Variants in TRIO observed in about 807,000 individuals in gnomAD.
TRIO encodes the protein triple functional domain protein.
TRIO carries 58 observed loss-of-function variants against 351.9 expected under a neutral mutation model. The ratio of observed to expected loss-of-function variants is 0.16; its 90% CI spans 0.13 to 0.21. TRIO has a LOEUF of 0.21. TRIO is among the 10% of genes least tolerant of loss of function. The pLI is 1.00. For synonymous variants in TRIO, 1,758 were observed against 1,595.7 expected, an observed-to-expected ratio of 1.10 and a Z score of -2.42; for missense variants, 3,201 against 4,027.8, an observed-to-expected ratio of 0.79 and a Z score of 5.56.
At chr5:14,213,522 C>T (rs760973013) in intron 1 of TRIO, among the ~76,000 whole-genome samples, 5 of 152,032 alleles carry the variant, frequency 3.3e-5, no homozygotes, top group Non-Finnish European at 1.5e-5. Flanking sequence ...CCAAGGACAC[C>T]TTTACTATCA....
chr5:14,432,363 A>C lies in TRIO; in HGVS notation c.5203+12342A>C, dbSNP rs144758426. Among the ~76,000 whole-genome samples the C allele has an allele frequency of 2.1e-4, 32 of 152,354 alleles. No individual in the cohort carries two copies. The East Asian group carries it at 5.8e-3, about 28-fold the overall frequency. On this transcript the variant is annotated intron_variant, in intron 34 of 56. Transcript: ENST00000344204. ...GTTGGAAGAAACCTTTGGTGCAGGG[A>C]GGAAGCTGAAGCCCGTAGAGACAAA...
intron 1 of TRIO, among the ~76,000 whole-genome samples, chr5:14,269,351 T>C (rs1003975432): frequency 6.6e-6 from 1 of 152,268 alleles, no homozygotes; most frequent in Non-Finnish European, 1.5e-5. Flanking sequence ...AGAGACTGAA[T>C]TCTGCTATAT....
rs549446203 is a variant in TRIO, at chr5:14,247,574, C to G, written c.158-23251C>G. The stretch of plus-strand genomic sequence containing the variant: ...CTTTACTGAATTTTATGGTAGATTC[C>G]TTGTAGGACACATACATATTTGATT... On this transcript the variant is annotated intron_variant, in intron 1 of 56. Transcript: ENST00000344204. Among the ~76,000 whole-genome samples the G allele has an allele frequency of 8.9e-4, 135 of 152,172 alleles. 1 individual carries two copies. The Middle Eastern group carries it at 0.01, about 12-fold the overall frequency.
At chr5:14,455,538 C>G (rs1398622343) in intron 34 of TRIO, among the ~76,000 whole-genome samples, 5 of 150,364 alleles carry the variant, frequency 3.3e-5, no homozygotes, top group African/African-American at 9.9e-5. Flanking sequence ...AATCCTTTAG[C>G]TAGACATAAA....
At chr5:14,281,854 A>C (rs1012470917) in intron 3 of TRIO, among the ~76,000 whole-genome samples, 3 of 152,156 alleles carry the variant, frequency 2.0e-5, no homozygotes, top group Non-Finnish European at 4.4e-5. Flanking sequence ...GTTACAAGAG[A>C]ATGATGTAAG....
chr5:14,432,340 T>G (rs577695909), intron 34 of TRIO, among the ~76,000 whole-genome samples: 2 of 152,338 alleles, frequency 1.3e-5, no homozygotes, highest in African/African-American at 4.8e-5. Context: ...CTGTGCACGT[T>G]GGAAGAAACC....
Position 14,481,606 on chromosome 5 carries a change from G to A in TRIO, c.6453G>A (p.Leu2151=), listed in dbSNP as rs778599236. 1.2e-6 allele frequency: 2 copies of A among 1,614,088 alleles called. No homozygotes were observed. Among genetic ancestry groups the A allele is most frequent in the Non-Finnish European group, 1.7e-6 (2 of 1,180,022 alleles). The stretch of plus-strand genomic sequence containing the variant: ...ACGACATGATGAACGTGGGGCGGCT[G>A]CAAGGATTCGACGTAATGCGGCTCT... ...RCNDMMNVGR[L]QGFDGKIVAQ... is the part of the protein sequence containing the mutation. Residue 2151 remains leucine (L), a synonymous_variant, in exon 45 of 57, where the codon CTG becomes CTA. Transcript: ENST00000344204.
At chr5:14,166,723 C>A (rs1788785814) in intron 1 of TRIO, among the ~76,000 whole-genome samples, 1 of 152,142 alleles carries the variant, frequency 6.6e-6, no homozygotes, top group Non-Finnish European at 1.5e-5. Context: ...GACGTGGTAA[C>A]TATTGAGCCA....
chr5:14,189,372 A>G (rs764176093), intron 1 of TRIO, among the ~76,000 whole-genome samples: 28 of 152,184 alleles, frequency 1.8e-4, no homozygotes, highest in Non-Finnish European at 3.2e-4. Context: ...CACTAGCCTA[A>G]ATACAAGTGA....
intron 34 of TRIO, among the ~76,000 whole-genome samples, chr5:14,429,686 T>C (rs941764809): frequency 6.6e-6 from 1 of 152,222 alleles, no homozygotes; most frequent in African/African-American, 2.4e-5. Flanking sequence ...TTAGGTATTT[T>C]ACATGGTTCA....
At chr5:14,489,289 TG>T in intron 48 of TRIO, 1 of 435,430 alleles carries the variant, frequency 2.3e-6, no homozygotes, top group Admixed American at 3.7e-5. Flanking sequence ...AAACTTTAAT[TG>T]GGGAAGAAAT....
chr5:14,477,135 T>A, intron 41 of TRIO, 172 bp downstream of exon 41: 1 of 590,188 alleles, frequency 1.7e-6, no homozygotes, highest in Non-Finnish European at 2.9e-6. Flanking sequence ...TCAACATGAG[T>A]TACCTGCTTT....
intron 3 of TRIO, among the ~76,000 whole-genome samples, chr5:14,284,073 GA>G (rs1366818398): frequency 6.6e-6 from 1 of 152,042 alleles, no homozygotes; most frequent in African/African-American, 2.4e-5. Context: ...GAAATGATAC[GA>G]AGATTTTTAA....
chr5:14,221,326 C>T (rs910063450), intron 1 of TRIO, among the ~76,000 whole-genome samples: 4 of 152,228 alleles, frequency 2.6e-5, no homozygotes, highest in East Asian at 3.9e-4. Context: ...GGTTTCATGC[C>T]GGCTAACACA....
intron 18 of TRIO, among the ~76,000 whole-genome samples, chr5:14,372,835 C>T (rs1006952901): frequency 3.2e-4 from 48 of 152,216 alleles, no homozygotes; most frequent in African/African-American, 1.1e-3. Flanking sequence ...TCGTAGTCTT[C>T]AGCGTCTTCC....
chr5:14,489,815 T>C (rs2126648181), intron 48 of TRIO, among the ~76,000 whole-genome samples: 1 of 152,300 alleles, frequency 6.6e-6, no homozygotes, highest in South Asian at 2.1e-4. Context: ...CCGCGAGCTT[T>C]AGGTTGGGAA....
intron 1 of TRIO, among the ~76,000 whole-genome samples, chr5:14,264,685 T>TG (rs1020684395): frequency 1.8e-4 from 28 of 152,344 alleles, no homozygotes; most frequent in Admixed American, 1.6e-3. Context: ...CACTTCTAGA[T>TG]GCGTGCACAG....
intron 20 of TRIO, 68 bp from the exon 21 acceptor site, chr5:14,381,062 G>A (rs1746058951): frequency 1.9e-6 from 3 of 1,542,200 alleles, no homozygotes; most frequent in Non-Finnish European, 2.6e-6. Context: ...TAAATGAGGT[G>A]CTCGGGGCTT....
chr5:14,251,505 G>A (rs1437602440), intron 1 of TRIO, among the ~76,000 whole-genome samples: 2 of 152,354 alleles, frequency 1.3e-5, no homozygotes, highest in African/African-American at 4.8e-5. Context: ...TGGTGCTGCC[G>A]TCTTGGCGCT....
Sources: gnomAD v4.1 joint callset for allele counts (sites outside exome capture counted in the v4.1 genomes callset) on GRCh38, gnomAD v4.1.1 for gene constraint, MANE v1.5 for transcripts, NCBI Gene and HGNC (gene_info 2026-07-23, HGNC 2026-07-21) for gene names.